Variants in KCNQ5 observed in about 807,000 individuals in gnomAD.
KCNQ5 encodes potassium voltage-gated channel subfamily Q member 5.
A neutral mutation model predicts 98.2 loss-of-function variants in KCNQ5; 30 were observed. The observed-to-expected ratio is 0.31, with a 90% CI of 0.23 to 0.41. The LOEUF (loss-of-function observed/expected upper bound fraction) is 0.41. Ranked by LOEUF, KCNQ5 falls within the 10% of genes least tolerant of loss-of-function variation. The pLI, the probability that KCNQ5 is intolerant of heterozygous loss-of-function variation, is 1.00. For synonymous variants in KCNQ5, 458 were observed against 449.4 expected, an observed-to-expected ratio of 1.02 and a Z score of -0.24; for missense variants, 835 against 1,182.5, an observed-to-expected ratio of 0.71 and a Z score of 4.31.
intron 1 of KCNQ5, among the ~76,000 whole-genome samples, chr6:72,990,318 C>A (rs1769030618): frequency 1.6e-5 from 1 of 62,268 alleles, no homozygotes; most frequent in Non-Finnish European, 3.1e-5. Flanking sequence ...TTGTTTGTGT[C>A]CTCTTTTATT....
At chr6:72,957,071 T>C (rs1050498516) in intron 1 of KCNQ5, among the ~76,000 whole-genome samples, 11 of 152,126 alleles carry the variant, frequency 7.2e-5, no homozygotes, top group Admixed American at 3.9e-4. Context: ...CCTTGAGTGC[T>C]TCACTTCGCC....
intron 1 of KCNQ5, among the ~76,000 whole-genome samples, chr6:72,849,823 T>C (rs1311800233): frequency 6.6e-6 from 1 of 152,178 alleles, no homozygotes; most frequent in Non-Finnish European, 1.5e-5. Flanking sequence ...TCTCTACTCA[T>C]GAATCTTTTC....
At chr6:73,012,528 G>C (rs1254437556) in intron 2 of KCNQ5, among the ~76,000 whole-genome samples, 1 of 152,098 alleles carries the variant, frequency 6.6e-6, no homozygotes, top group Non-Finnish European at 1.5e-5. Context: ...AAGAAGAAAA[G>C]AGTTAGGGAG....
Position 73,194,440 on chromosome 6 carries a change from C to T in KCNQ5, c.1837-12C>T. 1.9e-6 allele frequency: 3 copies of T among 1,590,172 alleles called. No homozygotes were observed. The highest frequency in any genetic ancestry group is 2.6e-6 in the Non-Finnish European group (3 of 1,166,714). On this transcript the variant is annotated splice_polypyrimidine_tract_variant and intron_variant, in intron 13 of 13. Transcript: ENST00000370398. Reference sequence around the variant, plus strand: ...GATTATACTCATGTGTAACCATTTTCCTCACTTCTAGGTACAGTCCATAGA... The same window carrying T: ...GATTATACTCATGTGTAACCATTTTTCTCACTTCTAGGTACAGTCCATAGA...
At chr6:72,790,557 CA>C (rs926493975) in intron 1 of KCNQ5, among the ~76,000 whole-genome samples, 1 of 151,836 alleles carries the variant, frequency 6.6e-6, no homozygotes, top group African/African-American at 2.4e-5. Flanking sequence ...TTAATGGGTA[CA>C]AAAAAATCAC....
chr6:72,842,309 T>C (rs1310960135), intron 1 of KCNQ5, among the ~76,000 whole-genome samples: 1 of 152,194 alleles, frequency 6.6e-6, no homozygotes, highest in African/African-American at 2.4e-5. Context: ...AGCTGGCAAG[T>C]ATTCACTGTG....
At chr6:72,725,830 T>C (rs1770234087) in intron 1 of KCNQ5, among the ~76,000 whole-genome samples, 1 of 152,210 alleles carries the variant, frequency 6.6e-6, no homozygotes, top group Non-Finnish European at 1.5e-5. Flanking sequence ...TTTAAAATGA[T>C]TGTGTTTAAT....
At chr6:73,063,701 TAGATAGATAGATAGATAGATGATA>T (rs1772908330) in intron 3 of KCNQ5, among the ~76,000 whole-genome samples, 2 of 123,050 alleles carry the variant, frequency 1.6e-5, no homozygotes, top group African/African-American at 6.1e-5. Context: ...GATAGATAGA[TAGATAGATAGATAGATAGATGATA>T]GATAGATAGA....
intron 10 of KCNQ5, among the ~76,000 whole-genome samples, chr6:73,137,476 G>T (rs1257144965): frequency 6.6e-6 from 1 of 152,106 alleles, no homozygotes; most frequent in Non-Finnish European, 1.5e-5. Context: ...TATAATAAAA[G>T]ATAGAAATAC....
chr6:72,768,986 T>C (rs1772718917), intron 1 of KCNQ5, among the ~76,000 whole-genome samples: 1 of 152,052 alleles, frequency 6.6e-6, no homozygotes, highest in African/African-American at 2.4e-5. Context: ...TTTCATCATA[T>C]GGAAAAATAG....
chr6:72,624,631 T>G (rs2098917140), intron 1 of KCNQ5, among the ~76,000 whole-genome samples: 1 of 152,248 alleles, frequency 6.6e-6, no homozygotes, highest in African/African-American at 2.4e-5. Flanking sequence ...TACCAGGCTT[T>G]ATCAGTCTAG....
chr6:72,836,952 G>T (rs956286605), intron 1 of KCNQ5, among the ~76,000 whole-genome samples: 3 of 152,032 alleles, frequency 2.0e-5, no homozygotes, highest in Admixed American at 6.6e-5. Flanking sequence ...ATTCATAGCT[G>T]GTGTTCTCTT....
chr6:72,890,296 C>T (rs1374211345), intron 1 of KCNQ5, among the ~76,000 whole-genome samples: 2 of 150,456 alleles, frequency 1.3e-5, no homozygotes, highest in African/African-American at 4.9e-5. Context: ...GTGATAAGAG[C>T]AAGTAACATG....
At chr6:72,947,834 G>A (rs900528585) in intron 1 of KCNQ5, among the ~76,000 whole-genome samples, 1 of 152,120 alleles carries the variant, frequency 6.6e-6, no homozygotes, top group African/African-American at 2.4e-5. Flanking sequence ...ATACAGATAA[G>A]TGACATGAAG....
chr6:73,067,173 C>T (rs1005720226), intron 3 of KCNQ5, among the ~76,000 whole-genome samples: 1 of 152,018 alleles, frequency 6.6e-6, no homozygotes, highest in Non-Finnish European at 1.5e-5. Context: ...TCCCTGTTTA[C>T]TAGGCTTTCT....
At chr6:73,144,459 C>T (rs1430946536) in intron 10 of KCNQ5, among the ~76,000 whole-genome samples, 2 of 152,184 alleles carry the variant, frequency 1.3e-5, no homozygotes, top group East Asian at 3.8e-4. Context: ...TTTCATTAAT[C>T]TAATGCAGTA....
chr6:73,165,764 G>T (rs998137526), intron 10 of KCNQ5, among the ~76,000 whole-genome samples: 1 of 151,998 alleles, frequency 6.6e-6, no homozygotes, highest in Admixed American at 6.6e-5. Context: ...GGCCAACATG[G>T]TGAAACCCCG....
chr6:72,774,666 CA>C (rs1163635330), intron 1 of KCNQ5, among the ~76,000 whole-genome samples: 1 of 151,130 alleles, frequency 6.6e-6, no homozygotes, highest in Non-Finnish European at 1.5e-5. Flanking sequence ...AATCCAACAG[CA>C]AAAAACAATA....
chr6:72,894,510 C>G (rs1010296469), intron 1 of KCNQ5, among the ~76,000 whole-genome samples: 1 of 152,064 alleles, frequency 6.6e-6, no homozygotes, highest in Non-Finnish European at 1.5e-5. Context: ...ATTCTAAAAG[C>G]AAGAAAAGTC....
Sources: gnomAD v4.1 joint callset for allele counts (sites outside exome capture counted in the v4.1 genomes callset) on GRCh38, gnomAD v4.1.1 for gene constraint, MANE v1.5 for transcripts, NCBI Gene and HGNC (gene_info 2026-07-23, HGNC 2026-07-21) for gene names.